Variants in ALK observed in about 807,000 individuals in gnomAD.
The protein encoded by ALK is ALK receptor tyrosine kinase, also known as ALK tyrosine kinase receptor.
A neutral mutation model predicts 163.1 loss-of-function variants in ALK; 74 were observed. The observed-to-expected ratio is 0.45, with a 90% CI of 0.38 to 0.55. ALK has a LOEUF of 0.55. Among genes scored for constraint, ALK ranks in the 20% least tolerant of loss-of-function variants. The pLI, the probability that ALK is intolerant of heterozygous loss-of-function variation, is 0.00. For missense variants in ALK, 2,063 were observed against 2,105.3 expected, an observed-to-expected ratio of 0.98 and a Z score of 0.39; for synonymous variants, 960 against 843.2, an observed-to-expected ratio of 1.14 and a Z score of -2.40.
In ALK at chr2:29,582,806, G is replaced by C. The variant is rs550738097; in HGVS notation, c.953-50690C>G. On this transcript the variant is annotated intron_variant, in intron 3 of 28. Transcript: ENST00000389048. ...CAGAGAGAACTAGAATTTTTTTCCA[G>C]TGTCAACTTCACACAAGGAAAAGAA... Among the ~76,000 whole-genome samples the C allele has an allele frequency of 2.6e-5, 4 of 151,602 alleles. No individual in the cohort carries two copies. In the East Asian group the frequency reaches 5.8e-4, roughly 22 times the overall value.
intron 1 of ALK, among the ~76,000 whole-genome samples, chr2:29,902,853 C>G (rs1219958807): frequency 7.2e-5 from 11 of 152,210 alleles, no homozygotes; most frequent in Admixed American, 5.9e-4. Flanking sequence ...ACATTTAGCT[C>G]TTAAGCTCAC....
chr2:29,277,340 T>C (rs1043455387), intron 9 of ALK, among the ~76,000 whole-genome samples: 2 of 152,220 alleles, frequency 1.3e-5, no homozygotes, highest in Admixed American at 6.5e-5. Flanking sequence ...TGCTGGCTTG[T>C]TAGATGCTGG....
At chr2:29,858,611 C>T (rs953021580) in intron 1 of ALK, among the ~76,000 whole-genome samples, 8 of 151,574 alleles carry the variant, frequency 5.3e-5, no homozygotes, top group African/African-American at 9.7e-5. Flanking sequence ...CTCGTGGTGG[C>T]GCACACCTGT....
intron 1 of ALK, among the ~76,000 whole-genome samples, chr2:29,844,135 C>T (rs1040513575): frequency 2.6e-5 from 4 of 152,200 alleles, no homozygotes; most frequent in East Asian, 1.9e-4. Context: ...GAAGTCACCC[C>T]GGAACTGCTA....
intron 4 of ALK, among the ~76,000 whole-genome samples, chr2:29,403,722 A>G (rs1669508316): frequency 7.8e-6 from 1 of 129,002 alleles, no homozygotes; most frequent in Non-Finnish European, 1.9e-5. Context: ...AAAAAAAAAA[A>G]AAAAAAAAAA....
Position 29,653,973 on chromosome 2 carries a change from C to G in ALK, c.952+40877G>C, listed in dbSNP as rs186801399. Among the ~76,000 whole-genome samples the G allele has an allele frequency of 2.5e-3, 378 of 152,222 alleles. 1 individual carries two copies. Among genetic ancestry groups the G allele is most frequent in the Non-Finnish European group, 4.1e-3 (282 of 67,982 alleles). On this transcript the variant is annotated intron_variant, in intron 3 of 28. Coordinates refer to ENST00000389048, the MANE Select transcript of ALK (RefSeq NM_004304.5). ...ACTCAGGAGGCTGAGGCATGAGAAT[C>G]ATTTGAACCCAGGAAGGGAGGTTGC...
At chr2:29,522,576 GC>G (rs1672843492) in intron 4 of ALK, among the ~76,000 whole-genome samples, 1 of 151,944 alleles carries the variant, frequency 6.6e-6, no homozygotes, top group Non-Finnish European at 1.5e-5. Flanking sequence ...GGAGAGACAA[GC>G]TGGTAACTGA....
At chr2:29,578,127 T>G (rs562693627) in intron 3 of ALK, among the ~76,000 whole-genome samples, 1 of 152,276 alleles carries the variant, frequency 6.6e-6, no homozygotes, top group South Asian at 2.1e-4. Context: ...GGGTGGGCCT[T>G]TCCCATGCTG....
chr2:29,358,619 T>C (rs1668310661), intron 5 of ALK, among the ~76,000 whole-genome samples: 1 of 152,232 alleles, frequency 6.6e-6, no homozygotes, highest in Non-Finnish European at 1.5e-5. Flanking sequence ...TCAGGGAATT[T>C]GATTGTTTGC....
At chr2:29,764,137 C>T (rs1486852048) in intron 1 of ALK, among the ~76,000 whole-genome samples, 1 of 152,160 alleles carries the variant, frequency 6.6e-6, no homozygotes, top group Non-Finnish European at 1.5e-5. Flanking sequence ...GGGGTCAATC[C>T]CCTCATGTTA....
rs189190261 is a variant in ALK at position 29,212,010 on chromosome 2, G to A, written c.3743+1974C>T. On this transcript the variant is annotated intron_variant, in intron 24 of 28. Transcript: ENST00000389048. Reference sequence around the variant, plus strand: ...GCATTGGGTATCATCAAAATGTCTTGTGGCTGTAGGAAAGGAGATGTCAAA... The same window carrying A: ...GCATTGGGTATCATCAAAATGTCTTATGGCTGTAGGAAAGGAGATGTCAAA... Among the ~76,000 whole-genome samples, 5 of 152,318 alleles carry A rather than the reference G, an allele frequency of 3.3e-5. No homozygotes were observed. In the East Asian group the frequency reaches 9.6e-4, roughly 29 times the overall value.
chr2:29,693,363 T>A (rs1197277274), intron 3 of ALK, among the ~76,000 whole-genome samples: 2 of 151,282 alleles, frequency 1.3e-5, no homozygotes, highest in Non-Finnish European at 2.9e-5. Flanking sequence ...CTATAAGATA[T>A]CCAGAAGAAT....
chr2:29,234,496 T>C (rs1316818390), intron 13 of ALK, among the ~76,000 whole-genome samples: 1 of 152,134 alleles, frequency 6.6e-6, no homozygotes, highest in African/African-American at 2.4e-5. Context: ...ATCTCATTCC[T>C]CCTAGCTAAT....
intron 12 of ALK, among the ~76,000 whole-genome samples, chr2:29,240,442 A>AATT (rs772750302): frequency 5.3e-5 from 8 of 152,130 alleles, no homozygotes; most frequent in Non-Finnish European, 1.0e-4. Flanking sequence ...AGTATTAGTT[A>AATT]ATTATTATTA....
intron 5 of ALK, among the ~76,000 whole-genome samples, chr2:29,333,784 CT>C (rs895045653): frequency 1.3e-5 from 2 of 151,694 alleles, no homozygotes; most frequent in South Asian, 4.2e-4. Context: ...GCCTGGCTGC[CT>C]TTTTTTTGGA....
intron 1 of ALK, chr2:29,892,468 T>C (rs953485349): frequency 1.3e-5 from 2 of 152,240 alleles, no homozygotes; most frequent in African/African-American, 4.8e-5. Flanking sequence ...CTGTGATTTC[T>C]GAATGAAGGG....
At chr2:29,276,703 AT>A (rs1275917911) in intron 9 of ALK, among the ~76,000 whole-genome samples, 2 of 152,198 alleles carry the variant, frequency 1.3e-5, no homozygotes, top group African/African-American at 4.8e-5. Context: ...CAAAGACGTG[AT>A]GCTAAGTTAA....
At position 29,253,582 on chromosome 2, in the gene ALK, G is replaced by A. The variant is rs142876122; in HGVS notation, c.2042-2315C>T. 3.2e-3 allele frequency among the ~76,000 whole-genome samples: 486 copies of A among 152,238 alleles called. 1 individual carries two copies. Among genetic ancestry groups the A allele is most frequent in the African/African-American group, 0.01 (429 of 41,530 alleles). On this transcript the variant is annotated intron_variant, in intron 11 of 28. Transcript: ENST00000389048. ...GGGAGTTGCTGTGAATATGGATCCC[G>A]TGCCAACAGCACCTGGGAATTTAAA...
intron 1 of ALK, among the ~76,000 whole-genome samples, chr2:29,796,874 A>G (rs923205532): frequency 6.6e-6 from 1 of 152,062 alleles, no homozygotes; most frequent in East Asian, 1.9e-4. Context: ...ATAAAATTCT[A>G]TTAGTGTAAT....
Sources: gnomAD v4.1 joint callset for allele counts (sites outside exome capture counted in the v4.1 genomes callset) on GRCh38, gnomAD v4.1.1 for gene constraint, MANE v1.5 for transcripts, NCBI Gene and HGNC (gene_info 2026-07-23, HGNC 2026-07-21) for gene names.